P4HA1: variants seen among roughly 807,000 people sequenced by gnomAD.
The protein encoded by P4HA1 is prolyl 4-hydroxylase subunit alpha-1.
In P4HA1, 24 loss-of-function variants were observed where a neutral mutation model predicts 72.8. That is an observed-to-expected ratio of 0.33 (90% CI 0.24 to 0.46). P4HA1 has a LOEUF of 0.46. Among genes scored for constraint, P4HA1 ranks in the 20% least tolerant of loss-of-function variants. The pLI, the probability that P4HA1 is intolerant of heterozygous loss-of-function variation, is 1.00. For synonymous variants in P4HA1, 201 were observed against 218.8 expected, an observed-to-expected ratio of 0.92 and a Z score of 0.72; for missense variants, 446 against 640.6, an observed-to-expected ratio of 0.70 and a Z score of 3.28.
chr10:73,039,385 C>T (rs1347343499), intron 9 of P4HA1, among the ~76,000 whole-genome samples: 1 of 152,144 alleles, frequency 6.6e-6, no homozygotes, highest in African/African-American at 2.4e-5. Context: ...CAGCTCACTG[C>T]AAGCTCTGCC....
At chr10:73,027,483 G>A (rs1473579949) in intron 10 of P4HA1, among the ~76,000 whole-genome samples, 2 of 150,768 alleles carry the variant, frequency 1.3e-5, no homozygotes, top group East Asian at 2.0e-4. Flanking sequence ...AGCATTAGGA[G>A]AAATACCTAA....
At chr10:73,079,262 C>T (rs1282005641) in intron 1 of P4HA1, among the ~76,000 whole-genome samples, 1 of 152,022 alleles carries the variant, frequency 6.6e-6, no homozygotes, top group Non-Finnish European at 1.5e-5. Context: ...TCGAAACCAG[C>T]CCAGGCAACA....
At chr10:73,045,395 T>G (rs1166782916) in intron 8 of P4HA1, among the ~76,000 whole-genome samples, 1 of 151,262 alleles carries the variant, frequency 6.6e-6, no homozygotes, top group Non-Finnish European at 1.5e-5. Flanking sequence ...CATCTGGGGG[T>G]GGGGAGAGAA....
Position 73,009,762 on chromosome 10 carries a change from G to A in P4HA1, c.1534+45C>T, listed in dbSNP as rs765029598. 3.7e-5 allele frequency: 42 copies of A among 1,133,700 alleles called. No individual in the cohort carries two copies. The South Asian group carries it at 4.9e-4, about 13-fold the overall frequency. 70.2% of individuals were successfully genotyped at this position (1,133,700 alleles called of 1,614,324 possible). A position where few individuals can be genotyped will look rare whatever the true frequency, so the allele number is the denominator to read the frequency against. ...GACACAGATAATAGTTCCAAAATAA[G>A]AAACAAAAATTACATTATCTTCGCA... On this transcript the variant is annotated intron_variant, in intron 14 of 14. Coordinates refer to ENST00000394890, the MANE Select transcript of P4HA1 (RefSeq NM_001017962.3).
intron 12 of P4HA1, among the ~76,000 whole-genome samples, chr10:73,012,993 A>G (rs1471234465): frequency 6.6e-6 from 1 of 152,030 alleles, no homozygotes; most frequent in Non-Finnish European, 1.5e-5. Flanking sequence ...AAGGGGTTTC[A>G]CCACGTTGGC....
intron 14 of P4HA1, among the ~76,000 whole-genome samples, chr10:73,008,776 T>C (rs1322299479): frequency 1.3e-5 from 2 of 152,040 alleles, no homozygotes; most frequent in African/African-American, 4.8e-5. Context: ...AAAATACCTT[T>C]AAAAAATGTA....
At chr10:73,049,838 G>A (rs10458655) in intron 7 of P4HA1, among the ~76,000 whole-genome samples, 2,908 of 152,264 alleles carry the variant, frequency 0.019, 50 homozygotes, top group East Asian at 0.067. Context: ...TATCTCATAA[G>A]ATGCACAGAG....
chr10:73,073,187 T>A (rs1421430567), intron 3 of P4HA1, among the ~76,000 whole-genome samples: 4 of 134,428 alleles, frequency 3.0e-5, no homozygotes, highest in Non-Finnish European at 6.2e-5. Context: ...AAAAAAAAAA[T>A]GTATCAGTCA....
rs556203155 is a variant in P4HA1 at position 73,021,557 on chromosome 10, G to T, written c.1249-4658C>A. ...ATATTAGTAAAATAAGCCCAGCATAGACAAATATCACATGTTCTCACTCAC... is the reference window on the plus strand; with the variant it reads ...ATATTAGTAAAATAAGCCCAGCATATACAAATATCACATGTTCTCACTCAC... On this transcript the variant is annotated intron_variant, in intron 10 of 14. Coordinates refer to ENST00000394890, the MANE Select transcript of P4HA1 (RefSeq NM_001017962.3). 2.0e-5 allele frequency among the ~76,000 whole-genome samples: 3 copies of T among 152,134 alleles called. No homozygotes were observed. The South Asian group carries it at 6.2e-4, about 32-fold the overall frequency.
intron 10 of P4HA1, among the ~76,000 whole-genome samples, chr10:73,025,915 C>A (rs903188913): frequency 6.6e-6 from 1 of 152,138 alleles, no homozygotes; most frequent in Non-Finnish European, 1.5e-5. Context: ...ATGTGAAGAA[C>A]CTCTTCAAGG....
rs747191509 is a variant in P4HA1 at position 73,068,867 on chromosome 10, T to C, written c.442A>G (p.Ile148Val). The C allele has an allele frequency of 1.9e-6, 3 of 1,612,722 alleles. No homozygotes were observed. Among genetic ancestry groups the C allele is most frequent in the Non-Finnish European group, 2.5e-6 (3 of 1,178,840 alleles). ...TTACCTGGAAGATTACCCTTTGAGA[T>C]GGTATCTGTATCCAAATTGTAGGTA... ...QDTYNLDTDT[I>V]SKGNLPGVKH... The change falls in exon 5 of 15, where the codon ATC (isoleucine) becomes GTC (valine). Residue 148 changes from isoleucine (I) to valine (V), a missense_variant. Coordinates refer to ENST00000394890, the MANE Select transcript of P4HA1 (RefSeq NM_001017962.3).
chr10:73,072,117 C>G lies in P4HA1; in HGVS notation c.237G>C (p.Gly79=), dbSNP rs753733548. Residue 79 remains glycine (G), a synonymous_variant, in exon 4 of 15, where the codon GGG becomes GGC. Coordinates refer to ENST00000394890, the MANE Select transcript of P4HA1 (RefSeq NM_001017962.3). ...TTAATTTGAATGCATTTACTGGATG[C>G]CCAACAAATCCTTCTGGATCTTTTG... is the stretch of plus-strand genomic sequence containing the variant. ...TATKDPEGFV[G]HPVNAFKLMK... 1 of 1,612,742 alleles carries G rather than the reference C, an allele frequency of 6.2e-7. No individual in the cohort carries two copies. The highest frequency in any genetic ancestry group is 8.5e-7 in the Non-Finnish European group (1 of 1,178,874).
rs957235956 is a variant in P4HA1, at chr10:73,073,688, T to C, written c.173+43A>G. On this transcript the variant is annotated intron_variant, in intron 3 of 14. Coordinates refer to ENST00000394890, the MANE Select transcript of P4HA1 (RefSeq NM_001017962.3). ...ATATTTTAGCTTGAGAAAGAAAACA[T>C]CCAGGTTGAGTCAGAGTCATAATAA... 7 of 913,218 alleles carry C rather than the reference T, an allele frequency of 7.7e-6. No individual in the cohort carries two copies. In the African/African-American group the frequency reaches 8.2e-5, roughly 11 times the overall value. 56.6% of individuals were successfully genotyped at this position (913,218 alleles called of 1,614,324 possible).
intron 14 of P4HA1, 22 bp from the exon 15 acceptor site, chr10:73,008,314 T>C: frequency 6.9e-7 from 1 of 1,442,632 alleles, no homozygotes; most frequent in Non-Finnish European, 9.8e-7. Flanking sequence ...AAGTAATATA[T>C]TAATTTTCCC....
chr10:73,034,741 C>T (rs1290867057), intron 9 of P4HA1, among the ~76,000 whole-genome samples: 1 of 151,778 alleles, frequency 6.6e-6, no homozygotes, highest in Non-Finnish European at 1.5e-5. Context: ...GCATGCACCA[C>T]CATAGTTTTT....
intron 5 of P4HA1, among the ~76,000 whole-genome samples, chr10:73,059,764 A>G (rs1041679876): frequency 3.3e-5 from 5 of 149,592 alleles, no homozygotes; most frequent in Non-Finnish European, 7.4e-5. Context: ...AATAAAATAA[A>G]AATAAATAAA....
chr10:73,028,650 G>A (rs2133059412), intron 10 of P4HA1, among the ~76,000 whole-genome samples: 1 of 151,990 alleles, frequency 6.6e-6, no homozygotes, highest in Admixed American at 6.5e-5. Flanking sequence ...GGTCAGGCTG[G>A]TCTCGAACTC....
At chr10:73,092,528 A>AT (rs1389209071) in intron 1 of P4HA1, among the ~76,000 whole-genome samples, 2 of 145,624 alleles carry the variant, frequency 1.4e-5, no homozygotes, top group East Asian at 2.2e-4. Flanking sequence ...TTAAAAAAAA[A>AT]TTTTTTTTGT....
chr10:73,045,127 C>T (rs749834451), intron 8 of P4HA1, 76 bp from the exon 9 acceptor site: 52 of 1,234,068 alleles, frequency 4.2e-5, no homozygotes, highest in Middle Eastern at 1.9e-4. Flanking sequence ...AGTCAGAATT[C>T]CAGGGTTTTT....
Sources: allele counts gnomAD v4.1 joint callset (sites outside exome capture counted in the v4.1 genomes callset), GRCh38; gene constraint gnomAD v4.1.1; transcripts MANE v1.5; gene names NCBI Gene and HGNC (gene_info 2026-07-23, HGNC 2026-07-21).